KCNJ8: variants seen among roughly 807,000 people sequenced by gnomAD.
KCNJ8 encodes the protein ATP-sensitive inward rectifier potassium channel 8.
Under a neutral mutation model 28.2 loss-of-function variants are expected in KCNJ8, and 13 were observed. The ratio of observed to expected loss-of-function variants is 0.46; its 90% confidence interval spans 0.30 to 0.73. The LOEUF is 0.73. Among genes scored for constraint, KCNJ8 ranks in the 30% least tolerant of loss-of-function variants. The pLI is 0.07. For synonymous variants in KCNJ8, 188 were observed against 195.9 expected (o/e 0.96, Z 0.34); for missense variants, 284 against 542.6 (o/e 0.52, Z 4.73).
chr12:21,767,311 C>T lies in KCNJ8; in HGVS notation c.375-688G>A, dbSNP rs1001049525. ...TTTGTTAAGTCAGGGGTCCCCAACC[C>T]CCCCCCCCCCCACCTCCAGGCCAGG... is the stretch of plus-strand genomic sequence containing the variant. On this transcript the variant is annotated intron_variant, in intron 2 of 2. Coordinates refer to ENST00000240662, the MANE Select transcript of KCNJ8 (RefSeq NM_004982.4). 8.8e-5 allele frequency among the ~76,000 whole-genome samples: 8 copies of T among 90,896 alleles called. No individual in the cohort carries two copies. The South Asian group carries it at 2.8e-3, about 32-fold the overall frequency. The allele number at this position is 90,896 out of a possible 152,430, so 59.6% of individuals were successfully genotyped here. A position where few individuals can be genotyped will look rare whatever the true frequency, so the allele number is the denominator to read the frequency against.
At chr12:21,767,551 A>G (rs758717711) in intron 2 of KCNJ8, among the ~76,000 whole-genome samples, 1 of 152,018 alleles carries the variant, frequency 6.6e-6, no homozygotes, top group African/African-American at 2.4e-5. Flanking sequence ...CTGAGGTGGG[A>G]CAGTTTTATC....
Position 21,773,130 on chromosome 12 carries a change from A to G in KCNJ8, c.374+113T>C, listed in dbSNP as rs1940799484. ...TGCTTTTTTGTTTCTGAAGATTCTAAAACAAACCCTTTATTTCACTTTCAA... is the reference window on the plus strand; with the variant it reads ...TGCTTTTTTGTTTCTGAAGATTCTAGAACAAACCCTTTATTTCACTTTCAA... On this transcript the variant is annotated intron_variant, in intron 2 of 2. Coordinates refer to ENST00000240662, the MANE Select transcript of KCNJ8 (RefSeq NM_004982.4). This position sits in a 1 kb window ranked among gnomAD's most constrained non-coding sequence, Gnocchi z 4.6. 7.7e-7 allele frequency: 1 copy of G among 1,299,804 alleles called. No homozygotes were observed. The highest frequency in any genetic ancestry group is 1.5e-5 in the African/African-American group (1 of 68,766). 80.5% of individuals were successfully genotyped at this position (1,299,804 alleles called of 1,614,324 possible). A position where few individuals can be genotyped will look rare whatever the true frequency, so the allele number is the denominator to read the frequency against.
intron 2 of KCNJ8, among the ~76,000 whole-genome samples, chr12:21,771,807 ATATATAT>A (rs1334467987): frequency 2.0e-5 from 3 of 152,300 alleles, no homozygotes; most frequent in East Asian, 1.9e-4. Flanking sequence ...TTTCTTAAAG[ATATATAT>A]TATAGATAAT....
chr12:21,772,061 T>A (rs968744927), intron 2 of KCNJ8, among the ~76,000 whole-genome samples: 3 of 152,190 alleles, frequency 2.0e-5, no homozygotes, highest in Non-Finnish European at 4.4e-5. Flanking sequence ...GTGTGATCTC[T>A]GCGCACTAAT....
rs368674776 is a variant in KCNJ8 at position 21,765,832 on chromosome 12, T to C, written c.1166A>G (p.Asn389Ser). 1.1e-5 allele frequency: 18 copies of C among 1,614,186 alleles called. No homozygotes were observed. The Middle Eastern group carries it at 1.3e-3, about 118-fold the overall frequency. Reference protein sequence around the residue: ...SLRKRNSMRRNNSMRRNNSIR... With the variant: ...SLRKRNSMRRSNSMRRNNSIR... ...AGAATTGTTCCTCCTCATGGAATTGTTTCTTCTCATGGAGTTGCGCTTCCT... is the reference window on the plus strand; with the variant it reads ...AGAATTGTTCCTCCTCATGGAATTGCTTCTTCTCATGGAGTTGCGCTTCCT... Residue 389 changes from asparagine (N) to serine (S), a missense_variant, in exon 3 of 3, where the codon AAC (asparagine) becomes AGC (serine). Transcript: ENST00000240662.
At chr12:21,770,118 A>C (rs1468855904) in intron 2 of KCNJ8, among the ~76,000 whole-genome samples, 1 of 152,036 alleles carries the variant, frequency 6.6e-6, no homozygotes, top group African/African-American at 2.4e-5. Flanking sequence ...GTTGCAGCAA[A>C]CTCTTCATTG....
At chr12:21,770,937 C>T (rs1052825935) in intron 2 of KCNJ8, among the ~76,000 whole-genome samples, 9 of 152,148 alleles carry the variant, frequency 5.9e-5, no homozygotes, top group Admixed American at 5.2e-4. Flanking sequence ...ATGTACAGTG[C>T]ACTTTGGTAG....
rs1401297807 is a variant in KCNJ8 at position 21,766,176 on chromosome 12, G to GC, written c.821dup (p.Ser275GlnfsTer5). 3 of 1,614,118 alleles carry GC rather than the reference G, an allele frequency of 1.9e-6. No individual in the cohort carries two copies. The highest frequency in any genetic ancestry group is 2.5e-6 in the Non-Finnish European group (3 of 1,180,006). The stretch of plus-strand genomic sequence containing the variant: ...TTGCTGAGATGTCATACAGGGGACT[G>GC]CGCTTGTCAATCACGTGGCAGATGA... On this transcript the variant is annotated frameshift_variant, in exon 3 of 3. Coordinates refer to ENST00000240662, the MANE Select transcript of KCNJ8 (RefSeq NM_004982.4). LOFTEE classifies it high-confidence loss of function. This position sits in a 1 kb window ranked among gnomAD's most constrained non-coding sequence, Gnocchi z 6.5.
chr12:21,770,480 A>G (rs1940733124), intron 2 of KCNJ8, among the ~76,000 whole-genome samples: 1 of 152,190 alleles, frequency 6.6e-6, no homozygotes, highest in Non-Finnish European at 1.5e-5. Context: ...TGTAATTAAT[A>G]TTATACTAAC....
chr12:21,774,325 G>A (rs1014518444), intron 1 of KCNJ8, among the ~76,000 whole-genome samples: 3 of 142,826 alleles, frequency 2.1e-5, no homozygotes, highest in Non-Finnish European at 3.1e-5. Context: ...ATTATAAATT[G>A]AAAACTTTTT....
In KCNJ8 at chr12:21,773,855, C is replaced by T. The variant is rs983679094; in HGVS notation, c.-70-169G>A. Among the ~76,000 whole-genome samples the T allele has an allele frequency of 5.3e-5, 8 of 152,184 alleles. No homozygotes were observed. The highest frequency in any genetic ancestry group is 1.4e-4 in the African/African-American group (6 of 41,434). The stretch of plus-strand genomic sequence containing the variant: ...CTAGCTTGTGCTTGAGTTCTGGGAT[C>T]TCAGAAAAATTACTTGGTTTTAATA... On this transcript the variant is annotated intron_variant, in intron 1 of 2. Coordinates refer to ENST00000240662, the MANE Select transcript of KCNJ8 (RefSeq NM_004982.4). The surrounding 1 kb of genome is among the most constrained non-coding windows in gnomAD (Gnocchi z 4.6).
rs1940821363 is a variant in KCNJ8, at chr12:21,773,835, T to C, written c.-70-149A>G. The C allele has an allele frequency of 1.6e-6, 1 of 619,436 alleles. No homozygotes were observed. Among genetic ancestry groups the C allele is most frequent in the East Asian group, 2.8e-5 (1 of 36,036 alleles). 38.4% of individuals were successfully genotyped at this position (619,436 alleles called of 1,614,324 possible). On this transcript the variant is annotated intron_variant, in intron 1 of 2. Coordinates refer to ENST00000240662, the MANE Select transcript of KCNJ8 (RefSeq NM_004982.4). This position sits in a 1 kb window ranked among gnomAD's most constrained non-coding sequence, Gnocchi z 4.6. ...TTACTAACCCAAACATGAATCTAGC[T>C]TGTGCTTGAGTTCTGGGATCTCAGA...
At position 21,766,197 on chromosome 12, in the gene KCNJ8, G is replaced by A. The variant is rs769583048; in HGVS notation, c.801C>T (p.Ile267=). ...GACTGCGCTTGTCAATCACGTGGCA[G>A]ATGATCAAAGGGGCCACCAGAAAAA... is the stretch of plus-strand genomic sequence containing the variant. ...NNIFLVAPLI[I]CHVIDKRSPL... is the part of the protein sequence containing the mutation. Residue 267 remains isoleucine, a synonymous_variant, in exon 3 of 3, where the codon ATC becomes ATT. Transcript: ENST00000240662. This position sits in a 1 kb window ranked among gnomAD's most constrained non-coding sequence, Gnocchi z 6.5. 2 of 1,614,106 alleles carry A rather than the reference G, an allele frequency of 1.2e-6. No individual in the cohort carries two copies. Among genetic ancestry groups the A allele is most frequent in the Non-Finnish European group, 1.7e-6 (2 of 1,180,002 alleles).
Position 21,771,501 on chromosome 12 carries a change from A to G in KCNJ8, c.374+1742T>C, listed in dbSNP as rs192140470. ...GCAGGAGAAAATACATGGAGGAGAA[A>G]ATGAGTCACCCTAAGAGAAGAATGG... On this transcript the variant is annotated intron_variant, in intron 2 of 2. Transcript: ENST00000240662. 1.1e-3 allele frequency among the ~76,000 whole-genome samples: 169 copies of G among 152,336 alleles called. 1 individual carries two copies. Among genetic ancestry groups the G allele is most frequent in the African/African-American group, 3.9e-3 (164 of 41,582 alleles).
chr12:21,771,813 A>G (rs1215019754), intron 2 of KCNJ8, among the ~76,000 whole-genome samples: 2 of 152,184 alleles, frequency 1.3e-5, no homozygotes, highest in Non-Finnish European at 2.9e-5. Context: ...AAAGATATAT[A>G]TTATAGATAA....
chr12:21,766,737 A>G lies in KCNJ8; in HGVS notation c.375-114T>C. On this transcript the variant is annotated intron_variant, in intron 2 of 2. Transcript: ENST00000240662. This position sits in a 1 kb window ranked among gnomAD's most constrained non-coding sequence, Gnocchi z 6.5. ...CAAAGACTATTAAATGCTTGCAGAA[A>G]GACTAGCCAACTTAAACTTGTAAAA... The G allele has an allele frequency of 1.1e-6, 1 of 886,342 alleles. No individual in the cohort carries two copies. Among genetic ancestry groups the G allele is most frequent in the South Asian group, 1.4e-5 (1 of 69,940 alleles). 54.9% of individuals were successfully genotyped at this position (886,342 alleles called of 1,614,324 possible).
In KCNJ8 at chr12:21,766,197, G is replaced by C; in HGVS notation, c.801C>G (p.Ile267Met). The C allele has an allele frequency of 6.2e-7, 1 of 1,614,106 alleles. No individual in the cohort carries two copies. The highest frequency in any genetic ancestry group is 8.5e-7 in the Non-Finnish European group (1 of 1,180,002). ...GACTGCGCTTGTCAATCACGTGGCA[G>C]ATGATCAAAGGGGCCACCAGAAAAA... ...NNIFLVAPLI[I>M]CHVIDKRSPL... Residue 267 changes from isoleucine to methionine, a missense_variant, in exon 3 of 3, where the codon ATC becomes ATG. Ile to Met is a conservative substitution (Grantham distance 10). Transcript: ENST00000240662. The surrounding 1 kb of genome is among the most constrained non-coding windows in gnomAD (Gnocchi z 6.5).
Position 21,773,133 on chromosome 12 carries a change from C to T in KCNJ8, c.374+110G>A. On this transcript the variant is annotated intron_variant, in intron 2 of 2. Coordinates refer to ENST00000240662, the MANE Select transcript of KCNJ8 (RefSeq NM_004982.4). The surrounding 1 kb of genome is among the most constrained non-coding windows in gnomAD (Gnocchi z 4.6). Reference sequence around the variant, plus strand: ...TTTTTTGTTTCTGAAGATTCTAAAACAAACCCTTTATTTCACTTTCAATTA... The same window carrying T: ...TTTTTTGTTTCTGAAGATTCTAAAATAAACCCTTTATTTCACTTTCAATTA... 7.7e-7 allele frequency: 1 copy of T among 1,305,636 alleles called. No homozygotes were observed. Among genetic ancestry groups the T allele is most frequent in the Non-Finnish European group, 1.1e-6 (1 of 915,934 alleles). 80.9% of individuals were successfully genotyped at this position (1,305,636 alleles called of 1,614,324 possible).
In KCNJ8 at chr12:21,774,528, A is replaced by G. The variant is rs1442938436; in HGVS notation, c.-71+18T>C. On this transcript the variant is annotated intron_variant, in intron 1 of 2. Coordinates refer to ENST00000240662, the MANE Select transcript of KCNJ8 (RefSeq NM_004982.4). ...CAGCCTCCCCCCTCCGCTCCCCCGG[A>G]GCAGCTTTGAAACTTACAGACTCCG... 6.6e-6 allele frequency: 1 copy of G among 152,004 alleles called. No homozygotes were observed. The highest frequency in any genetic ancestry group is 2.4e-5 in the African/African-American group (1 of 41,388). 9.4% of individuals were successfully genotyped at this position (152,004 alleles called of 1,614,324 possible).
Sources: gnomAD v4.1 joint callset for allele counts (sites outside exome capture counted in the v4.1 genomes callset) on GRCh38, gnomAD v4.1.1 for gene constraint, Gnocchi (gnomAD v3.1) non-coding constraint, MANE v1.5 for transcripts, NCBI Gene and HGNC (gene_info 2026-07-23, HGNC 2026-07-21) for gene names.